Variants in PRKAR1B observed in about 807,000 individuals in gnomAD.
PRKAR1B encodes the protein cAMP-dependent protein kinase type I-beta regulatory subunit.
A neutral mutation model predicts 46.5 loss-of-function variants in PRKAR1B; 22 were observed. The observed-to-expected ratio is 0.47, with a 90% CI of 0.34 to 0.68. The LOEUF is 0.68. Among genes scored for constraint, PRKAR1B ranks in the 30% least tolerant of loss-of-function variants. The probability of loss-of-function intolerance (pLI) is 0.01; values close to 1 mark genes in which losing one functional copy is unlikely to be tolerated. For missense variants in PRKAR1B, 445 were observed against 535.6 expected, an observed-to-expected ratio of 0.83 and a Z score of 1.67; for synonymous variants, 259 against 217.7, an observed-to-expected ratio of 1.19 and a Z score of -1.67.
chr7:647,820 A>C lies in PRKAR1B; in HGVS notation c.440+29409T>G, dbSNP rs868146014. ...ACTTCGTCTCCAAAAAAAAAAAAAA[A>C]AAAAAAAAAAACCTCCTCGCATGTT... On this transcript the variant is annotated intron_variant, in intron 4 of 10. Coordinates refer to ENST00000537384, the MANE Select transcript of PRKAR1B (RefSeq NM_001164760.2). Among the ~76,000 whole-genome samples, 450 of 151,006 alleles carry C rather than the reference A, an allele frequency of 3.0e-3. 2 individuals carry two copies. The highest frequency in any genetic ancestry group is 0.01 in the African/African-American group (423 of 41,078).
chr7:728,505 T>A (rs548630603), upstream of PRKAR1B, among the ~76,000 whole-genome samples: 361 of 152,324 alleles, frequency 2.4e-3, 2 homozygotes, highest in African/African-American at 8.2e-3. Context: ...GATTTCCACG[T>A]TGGTTAACTT....
intron 2 of PRKAR1B, among the ~76,000 whole-genome samples, chr7:683,295 C>T (rs889317844): frequency 6.6e-6 from 1 of 152,314 alleles, no homozygotes; most frequent in South Asian, 2.1e-4. Context: ...GTATCCCCTT[C>T]CTTGACTTTC....
At chr7:581,174 G>C (rs9691977) in intron 8 of PRKAR1B, among the ~76,000 whole-genome samples, 2 of 151,458 alleles carry the variant, frequency 1.3e-5, no homozygotes, top group Non-Finnish European at 1.5e-5. Flanking sequence ...GTGGTGGCGG[G>C]CGCCTGTAGT....
At chr7:635,688 C>T (rs185142325) in intron 4 of PRKAR1B, among the ~76,000 whole-genome samples, 278 of 152,202 alleles carry the variant, frequency 1.8e-3, no homozygotes, top group African/African-American at 6.5e-3. Flanking sequence ...GGCTGCAGGA[C>T]GGTCTTTGAG....
At chr7:694,679 T>C (rs1779626814) in intron 2 of PRKAR1B, among the ~76,000 whole-genome samples, 1 of 152,156 alleles carries the variant, frequency 6.6e-6, no homozygotes, top group African/African-American at 2.4e-5. Flanking sequence ...GTTCCCAAGA[T>C]GATGTCTTGC....
At chr7:677,410 C>T in intron 3 of PRKAR1B, 90 bp from the exon 4 acceptor site, 1 of 1,066,780 alleles carries the variant, frequency 9.4e-7, no homozygotes, top group Non-Finnish European at 1.5e-6. Context: ...CCTCAGCCTG[C>T]TGTTATCAGG....
rs935429197 is a variant in PRKAR1B at position 558,739 on chromosome 7, C to T, written c.892-7269G>A. 4.6e-5 allele frequency among the ~76,000 whole-genome samples: 7 copies of T among 151,828 alleles called. No individual in the cohort carries two copies. In the East Asian group the frequency reaches 5.8e-4, roughly 13 times the overall value. On this transcript the variant is annotated intron_variant, in intron 9 of 10. Coordinates refer to ENST00000537384, the MANE Select transcript of PRKAR1B (RefSeq NM_001164760.2). ...TGCACTCCAGCCTGGGCAACAAGAG[C>T]GAAAGTCCATCTCAAAAAAAGAAAA...
intron 8 of PRKAR1B, among the ~76,000 whole-genome samples, chr7:581,653 C>T (rs571616134): frequency 6.6e-6 from 1 of 152,290 alleles, no homozygotes; most frequent in Admixed American, 6.5e-5. Context: ...AAAATTATCT[C>T]CTGGCTACAT....
intron 10 of PRKAR1B, 70 bp downstream of exon 10, chr7:551,319 C>A: frequency 6.9e-7 from 1 of 1,458,026 alleles, no homozygotes; most frequent in Non-Finnish European, 9.4e-7. Context: ...TCCTCACCTC[C>A]AGGCCCCTCC....
intron 4 of PRKAR1B, among the ~76,000 whole-genome samples, chr7:641,262 ATTC>A (rs1784372951): frequency 6.6e-6 from 1 of 152,156 alleles, no homozygotes; most frequent in Non-Finnish European, 1.5e-5. Flanking sequence ...GGAAAAGAGA[ATTC>A]TTTAAAGGCC....
chr7:579,398 C>T, intron 8 of PRKAR1B, 21 bp from the exon 9 acceptor site: 2 of 1,611,636 alleles, frequency 1.2e-6, no homozygotes, highest in South Asian at 2.2e-5. Context: ...AGGATGAGGA[C>T]AGGTCATCCC....
intron 2 of PRKAR1B, among the ~76,000 whole-genome samples, chr7:704,910 C>T (rs975281535): frequency 6.6e-6 from 1 of 152,098 alleles, no homozygotes; most frequent in Admixed American, 6.5e-5. Flanking sequence ...AATACATGAA[C>T]AGACACTTCA....
chr7:609,018 C>T (rs112954250), intron 4 of PRKAR1B, among the ~76,000 whole-genome samples: 3,493 of 31,914 alleles, frequency 0.11, 277 homozygotes, highest in Middle Eastern at 0.21. Flanking sequence ...TAGGGAGGGC[C>T]GGGGGGCCTC....
chr7:710,535 C>T (rs1028951590), intron 2 of PRKAR1B, among the ~76,000 whole-genome samples: 4 of 152,080 alleles, frequency 2.6e-5, no homozygotes, highest in Admixed American at 6.6e-5. Flanking sequence ...AGCTTCTCCC[C>T]GACCACACGT....
At chr7:686,296 G>A (rs551769218) in intron 2 of PRKAR1B, among the ~76,000 whole-genome samples, 11 of 149,596 alleles carry the variant, frequency 7.4e-5, no homozygotes, top group African/African-American at 2.5e-4. Flanking sequence ...GCGAGATTAT[G>A]TCTCAGAAAA....
intron 4 of PRKAR1B, among the ~76,000 whole-genome samples, chr7:617,858 C>G (rs1051497960): frequency 6.6e-6 from 1 of 152,204 alleles, no homozygotes; most frequent in Non-Finnish European, 1.5e-5. Flanking sequence ...GAACTCGCAG[C>G]CTCTATCCGG....
At position 699,749 on chromosome 7, in the gene PRKAR1B, T is replaced by A. The variant is rs34427968; in HGVS notation, c.177+11580A>T. Among the ~76,000 whole-genome samples, 1,308 of 152,076 alleles carry A rather than the reference T, an allele frequency of 8.6e-3. 12 individuals carry two copies. Among genetic ancestry groups the A allele is most frequent in the Middle Eastern group, 0.031 (9 of 294 alleles). On this transcript the variant is annotated intron_variant, in intron 2 of 10. Transcript: ENST00000537384. ...GCTGGCCGGAGCCCGTGGGTGGCCA[T>A]GGGCTGCAGTGGAGAGGCAAGCAGG... is the stretch of plus-strand genomic sequence containing the variant.
chr7:728,562 T>C (rs1781447098), upstream of PRKAR1B, among the ~76,000 whole-genome samples: 2 of 152,236 alleles, frequency 1.3e-5, no homozygotes, highest in South Asian at 4.1e-4. Flanking sequence ...GGGAAGAACC[T>C]TGGGCTGGAT....
intron 6 of PRKAR1B, among the ~76,000 whole-genome samples, chr7:601,886 G>A (rs2128460216): frequency 6.6e-6 from 1 of 152,268 alleles, no homozygotes; most frequent in South Asian, 2.1e-4. Context: ...CTGACCCGGG[G>A]GGGCTGGGGA....
Sources: gnomAD v4.1 joint callset for allele counts (sites outside exome capture counted in the v4.1 genomes callset) on GRCh38, gnomAD v4.1.1 for gene constraint, MANE v1.5 for transcripts, NCBI Gene and HGNC (gene_info 2026-07-23, HGNC 2026-07-21) for gene names.